FHAD1: variants seen among roughly 807,000 people sequenced by gnomAD.
FHAD1 encodes forkhead associated phosphopeptide binding domain 1, also known as forkhead-associated domain-containing protein 1.
In FHAD1, 146 loss-of-function variants were observed where a neutral mutation model predicts 191.3. The ratio of observed to expected loss-of-function variants is 0.76; its 90% CI spans 0.67 to 0.88. FHAD1 has a LOEUF of 0.88. Ranked by LOEUF, FHAD1 falls within the 40% of genes least tolerant of loss-of-function variation. The pLI is 0.00. For synonymous variants in FHAD1, 616 were observed against 672.3 expected, an observed-to-expected ratio of 0.92 and a Z score of 1.29; for missense variants, 1,635 against 1,785.8, an observed-to-expected ratio of 0.92 and a Z score of 1.52.
At chr1:15,284,134 C>T (rs920270259) in intron 3 of FHAD1, among the ~76,000 whole-genome samples, 3 of 152,160 alleles carry the variant, frequency 2.0e-5, no homozygotes, top group African/African-American at 7.2e-5. Context: ...ACAAAGGGCA[C>T]AGCACAGCCT....
intron 33 of FHAD1, among the ~76,000 whole-genome samples, chr1:15,392,604 G>A (rs540146725): frequency 2.6e-5 from 4 of 152,156 alleles, no homozygotes; most frequent in Admixed American, 6.5e-5. Flanking sequence ...AGTGTGCTTC[G>A]AGTCCTTAAG....
chr1:15,299,088 T>G (rs1667850494), intron 5 of FHAD1, among the ~76,000 whole-genome samples: 1 of 147,868 alleles, frequency 6.8e-6, no homozygotes, highest in African/African-American at 2.5e-5. Context: ...TAGCCCCAGC[T>G]ACTAGGGAGG....
In FHAD1 at chr1:15,329,056, A is replaced by T. The variant is rs1041875904; in HGVS notation, c.1711-290A>T. On this transcript the variant is annotated intron_variant, in intron 13 of 33. Coordinates refer to ENST00000688493, the MANE Select transcript of FHAD1 (RefSeq NM_001391957.1). The surrounding 1 kb of genome is among the most constrained non-coding windows in gnomAD (Gnocchi z 5.0). ...TGACGAATGGAAAAAAGAAGTAGCCACATTTGCTTCTCATTGCAGCCAAAC... is the reference window on the plus strand; with the variant it reads ...TGACGAATGGAAAAAAGAAGTAGCCTCATTTGCTTCTCATTGCAGCCAAAC... The T allele has an allele frequency of 2.0e-5, 5 of 246,032 alleles. No homozygotes were observed. Among genetic ancestry groups the T allele is most frequent in the African/African-American group, 1.1e-4 (5 of 44,882 alleles). 15.2% of individuals were successfully genotyped at this position (246,032 alleles called of 1,614,324 possible).
At position 15,382,102 on chromosome 1, in the gene FHAD1, A is replaced by G; in HGVS notation, c.4097A>G (p.Glu1366Gly). 1.9e-6 allele frequency: 3 copies of G among 1,552,152 alleles called. No homozygotes were observed. Among genetic ancestry groups the G allele is most frequent in the Non-Finnish European group, 2.6e-6 (3 of 1,147,100 alleles). The change falls in exon 31 of 34, where the codon GAA becomes GGA. Residue 1366 changes from glutamate (E) to glycine (G), a missense_variant. By Grantham distance (98) the Glu-to-Gly change is moderately conservative. Transcript: ENST00000688493. ...GAGGATGATATCTACAAAGAGGCCG[A>G]AGAGAAGGCCCTGCTGAAGGAGGCC... ...KLEDDIYKEA[E>G]EKALLKEALE... is the part of the protein sequence containing the mutation.
chr1:15,241,459 G>A (rs144132327), intron 1 of FHAD1, among the ~76,000 whole-genome samples: 4 of 152,142 alleles, frequency 2.6e-5, no homozygotes, highest in East Asian at 1.9e-4. Context: ...TTCGACTTCC[G>A]GACCAACATT....
At position 15,355,728 on chromosome 1, in the gene FHAD1, C is replaced by A. The variant is rs375380977; in HGVS notation, c.2563-2382C>A. 3.9e-5 allele frequency among the ~76,000 whole-genome samples: 6 copies of A among 152,142 alleles called. No individual in the cohort carries two copies. In the East Asian group the frequency reaches 9.6e-4, roughly 24 times the overall value. On this transcript the variant is annotated intron_variant, in intron 20 of 33. Coordinates refer to ENST00000688493, the MANE Select transcript of FHAD1 (RefSeq NM_001391957.1). ...CCATAGGCCAGGTCTGCATGAGGTC[C>A]TCCGTGGAATATCCCAACAGTAACA...
At chr1:15,369,161 C>G (rs897380331) in intron 25 of FHAD1, among the ~76,000 whole-genome samples, 6 of 152,206 alleles carry the variant, frequency 3.9e-5, no homozygotes, top group African/African-American at 1.4e-4. Flanking sequence ...AGCCCCCGTG[C>G]AGGAACCAAG....
rs1172699562 is a variant in FHAD1, at chr1:15,289,409, C to T, written c.311C>T (p.Pro104Leu). ...TGTCTGCCCCTGCAGGTCTCTTTCCCATGGATGAGGGGCCCAGCACCATGG... is the reference window on the plus strand; with the variant it reads ...TGTCTGCCCCTGCAGGTCTCTTTCCTATGGATGAGGGGCCCAGCACCATGG... Reference protein sequence around the residue: ...VIENPPPVSFPWMRGPAPWPG... With the variant: ...VIENPPPVSFLWMRGPAPWPG... The change falls in exon 4 of 34, where the codon CCA (proline) becomes CTA (leucine). Residue 104 changes from proline to leucine, a missense_variant. Physicochemically the swap from Pro to Leu is moderately conservative, Grantham distance 98 (BLOSUM62 -3). Transcript: ENST00000688493. This position sits in a 1 kb window ranked among gnomAD's most constrained non-coding sequence, Gnocchi z 4.2. The T allele has an allele frequency of 1.3e-6, 2 of 1,551,568 alleles. No homozygotes were observed. The highest frequency in any genetic ancestry group is 1.4e-5 in the African/African-American group (1 of 73,072).
intron 26 of FHAD1, among the ~76,000 whole-genome samples, chr1:15,373,490 C>T (rs1198666549): frequency 2.7e-5 from 4 of 149,732 alleles, no homozygotes; most frequent in Non-Finnish European, 3.0e-5. Context: ...GTAGCCTGGG[C>T]GACAGAGCAA....
At chr1:15,395,074 G>T (rs533081916) in intron 33 of FHAD1, among the ~76,000 whole-genome samples, 30 of 152,168 alleles carry the variant, frequency 2.0e-4, no homozygotes, top group Non-Finnish European at 4.3e-4. Context: ...AGCACTTTGG[G>T]AGGCCGAGAT....
intron 4 of FHAD1, among the ~76,000 whole-genome samples, chr1:15,290,551 T>C (rs768542898): frequency 1.3e-5 from 2 of 152,126 alleles, no homozygotes; most frequent in Non-Finnish European, 2.9e-5. Context: ...ATTATTACTG[T>C]GACATACGCA....
chr1:15,249,015 G>C (rs971820306), intron 1 of FHAD1, among the ~76,000 whole-genome samples: 7 of 152,174 alleles, frequency 4.6e-5, no homozygotes, highest in African/African-American at 1.7e-4. Context: ...CAGTGTCTTT[G>C]CTCTGAAGAT....
chr1:15,271,407 A>G (rs1655921150), intron 2 of FHAD1, among the ~76,000 whole-genome samples: 1 of 152,208 alleles, frequency 6.6e-6, no homozygotes, highest in South Asian at 2.1e-4. Flanking sequence ...GGGAACATGC[A>G]GTCACCTCCT....
chr1:15,300,315 C>A (rs1668346688), intron 5 of FHAD1, among the ~76,000 whole-genome samples: 1 of 152,110 alleles, frequency 6.6e-6, no homozygotes, highest in African/African-American at 2.4e-5. Context: ...CTGAAATTTA[C>A]AAGAGCCTAT....
intron 31 of FHAD1, 83 bp downstream of exon 31, chr1:15,382,276 A>C: frequency 1.5e-6 from 2 of 1,377,138 alleles, no homozygotes; most frequent in Non-Finnish European, 2.0e-6. Context: ...TCCCTGGAGG[A>C]TCCAGGTAGC....
chr1:15,345,221 G>C, intron 17 of FHAD1, 31 bp downstream of exon 17: 1 of 1,522,660 alleles, frequency 6.6e-7, no homozygotes, highest in Non-Finnish European at 8.9e-7. Flanking sequence ...GAGTCAGCTC[G>C]AGCCCCACTG....
In FHAD1 at chr1:15,391,203, A is replaced by T; in HGVS notation, c.4270-7A>T. 7.8e-7 allele frequency: 1 copy of T among 1,281,982 alleles called. No individual in the cohort carries two copies. The highest frequency in any genetic ancestry group is 1.0e-6 in the Non-Finnish European group (1 of 984,090). 79.4% of individuals were successfully genotyped at this position (1,281,982 alleles called of 1,614,324 possible). A position where few individuals can be genotyped will look rare whatever the true frequency, so the allele number is the denominator to read the frequency against. ...TAGATTTTGTTCTTATTCTTTCTGT[A>T]TTGAAGAGACGAGTATTTGTAGAGA... On this transcript the variant is annotated splice_region_variant and splice_polypyrimidine_tract_variant and intron_variant, in intron 32 of 33. Coordinates refer to ENST00000688493, the MANE Select transcript of FHAD1 (RefSeq NM_001391957.1).
intron 4 of FHAD1, 166 bp from the exon 5 acceptor site, chr1:15,296,518 G>C (rs1667033858): frequency 1.5e-6 from 1 of 671,016 alleles, no homozygotes; most frequent in South Asian, 1.5e-5. Flanking sequence ...CTCCCAAAGT[G>C]CTGGGATTAC....
At chr1:15,354,605 G>A (rs1692086771) in intron 20 of FHAD1, among the ~76,000 whole-genome samples, 1 of 151,826 alleles carries the variant, frequency 6.6e-6, no homozygotes, top group African/African-American at 2.4e-5. Context: ...CTATGGGTAG[G>A]CAAAAAGGAG....
Sources: gnomAD v4.1 joint callset for allele counts (sites outside exome capture counted in the v4.1 genomes callset) on GRCh38, gnomAD v4.1.1 for gene constraint, Gnocchi (gnomAD v3.1) non-coding constraint, MANE v1.5 for transcripts, NCBI Gene and HGNC (gene_info 2026-07-23, HGNC 2026-07-21) for gene names.